ETNPPL: variants seen among roughly 807,000 people sequenced by gnomAD.
ETNPPL encodes ethanolamine-phosphate phospho-lyase, also known as alanine--glyoxylate aminotransferase 2-like 1.
In ETNPPL, 30 loss-of-function variants were observed where a neutral mutation model predicts 55.5. The observed-to-expected ratio is 0.54, with a 90% CI of 0.40 to 0.73. The LOEUF is 0.73. Among genes scored for constraint, ETNPPL ranks in the 30% least tolerant of loss-of-function variants. ETNPPL has a pLI of 0.00. For synonymous variants in ETNPPL, 202 were observed against 207.2 expected (o/e 0.98, Z 0.21); for missense variants, 528 against 607.9 (o/e 0.87, Z 1.38).
At chr4:108,745,455 GT>G (rs1470339857) in intron 11 of ETNPPL, among the ~76,000 whole-genome samples, 2 of 151,878 alleles carry the variant, frequency 1.3e-5, no homozygotes, top group African/African-American at 4.8e-5. Flanking sequence ...TTAGCTGGGT[GT>G]GGTGGCATGC....
intron 3 of ETNPPL, among the ~76,000 whole-genome samples, chr4:108,757,216 T>C (rs911373144): frequency 3.9e-5 from 6 of 152,158 alleles, no homozygotes; most frequent in African/African-American, 1.4e-4. Flanking sequence ...GAGTATCAAA[T>C]TTTTTCCTAT....
chr4:108,757,660 T>A (rs1333223271), intron 3 of ETNPPL, among the ~76,000 whole-genome samples: 1 of 152,150 alleles, frequency 6.6e-6, no homozygotes, highest in African/African-American at 2.4e-5. Context: ...TAGTCTTGGC[T>A]GGGTGCGGTG....
chr4:108,760,414 G>T, intron 1 of ETNPPL, 108 bp from the exon 2 acceptor site: 2 of 553,882 alleles, frequency 3.6e-6, no homozygotes, highest in East Asian at 2.6e-5. Flanking sequence ...ATAAAGGAAA[G>T]GGAAAACACA....
At chr4:108,747,161 ATATT>A (rs1428947929) in intron 9 of ETNPPL, among the ~76,000 whole-genome samples, 1 of 15,848 alleles carries the variant, frequency 6.3e-5, no homozygotes, top group Non-Finnish European at 9.1e-5. Context: ...ATATATATAT[ATATT>A]ATATATATAT....
intron 6 of ETNPPL, among the ~76,000 whole-genome samples, chr4:108,752,612 A>G (rs1156599122): frequency 6.6e-6 from 1 of 151,936 alleles, no homozygotes; most frequent in African/African-American, 2.4e-5. Flanking sequence ...AATGACCCCT[A>G]CCCCTCTAGA....
Position 108,762,923 on chromosome 4 carries a change from A to G in ETNPPL, c.-25T>C, listed in dbSNP as rs776215510. 6.2e-7 allele frequency: 1 copy of G among 1,606,234 alleles called. No individual in the cohort carries two copies. The highest frequency in any genetic ancestry group is 1.7e-5 in the Admixed American group (1 of 59,974). ...TGGTGGCGGGGTGCAGGGCGCTGCG[A>G]AGGTGCAAGGTGCAAGGTCTGCGCG... is the stretch of plus-strand genomic sequence containing the variant. On this transcript the variant is annotated 5_prime_UTR_variant, in exon 1 of 13. Coordinates refer to ENST00000296486, the MANE Select transcript of ETNPPL (RefSeq NM_031279.4).
At position 108,755,136 on chromosome 4, in the gene ETNPPL, G is replaced by A. The variant is rs185332079; in HGVS notation, c.411-426C>T. 2.2e-3 allele frequency among the ~76,000 whole-genome samples: 332 copies of A among 152,152 alleles called. 4 individuals carry two copies. The highest frequency in any genetic ancestry group is 7.6e-3 in the African/African-American group (317 of 41,478). The stretch of plus-strand genomic sequence containing the variant: ...AAAAACAACTTTATATCATAGAATG[G>A]GCATCTGTTTCTGTTCGGGATGATT... On this transcript the variant is annotated intron_variant, in intron 4 of 12. Transcript: ENST00000296486.
At chr4:108,748,656 AT>A (rs1447033441) in intron 8 of ETNPPL, among the ~76,000 whole-genome samples, 2 of 152,232 alleles carry the variant, frequency 1.3e-5, no homozygotes, top group African/African-American at 2.4e-5. Flanking sequence ...AGTCAAAAAA[AT>A]ATAATATCCC....
chr4:108,749,177 A>T, intron 8 of ETNPPL, 61 bp downstream of exon 8: 1 of 1,372,466 alleles, frequency 7.3e-7, no homozygotes, highest in Non-Finnish European at 1.0e-6. Context: ...ACATTGGCAA[A>T]AAATATAAGA....
chr4:108,763,045 CGG>C lies in ETNPPL; in HGVS notation c.-149_-148del. The C allele has an allele frequency of 1.5e-6, 1 of 680,318 alleles. No individual in the cohort carries two copies. Among genetic ancestry groups the C allele is most frequent in the African/African-American group, 1.8e-5 (1 of 56,100 alleles). 42.1% of individuals were successfully genotyped at this position (680,318 alleles called of 1,614,324 possible). Reference sequence around the variant, plus strand: ...TCTTGCCCGGGGCGTCGGAGGTCACCGGTGGCGTCAACTAGCTAGGATCATCT... The same window carrying C: ...TCTTGCCCGGGGCGTCGGAGGTCACCTGGCGTCAACTAGCTAGGATCATCT... On this transcript the variant is annotated 5_prime_UTR_variant, in exon 1 of 13. Coordinates refer to ENST00000296486, the MANE Select transcript of ETNPPL (RefSeq NM_031279.4).
rs1728244622 is a variant in ETNPPL at position 108,742,085 on chromosome 4, A to G, written c.*399T>C. 2.0e-5 allele frequency: 3 copies of G among 153,660 alleles called. No individual in the cohort carries two copies. Among genetic ancestry groups the G allele is most frequent in the Admixed American group, 6.4e-5 (1 of 15,544 alleles). 9.5% of individuals were successfully genotyped at this position (153,660 alleles called of 1,614,324 possible). ...TTTTATTTTATTACAGTCAATAAATATACTTTTATATATGAAATCATTATA... is the reference window on the plus strand; with the variant it reads ...TTTTATTTTATTACAGTCAATAAATGTACTTTTATATATGAAATCATTATA... On this transcript the variant is annotated 3_prime_UTR_variant, in exon 13 of 13. Coordinates refer to ENST00000296486, the MANE Select transcript of ETNPPL (RefSeq NM_031279.4).
At chr4:108,760,014 A>C in intron 2 of ETNPPL, 106 bp from the exon 3 acceptor site, 3 of 1,261,298 alleles carry the variant, frequency 2.4e-6, no homozygotes, top group Non-Finnish European at 3.4e-6. Context: ...AAACAAACAA[A>C]AGTTGAGTTC....
At position 108,742,377 on chromosome 4, in the gene ETNPPL, C is replaced by A; in HGVS notation, c.*107G>T. ...TTACCTTTTCATTTATGAATCTAAA[C>A]TGACAATTCCACCTTTAGAGGTATA... is the stretch of plus-strand genomic sequence containing the variant. On this transcript the variant is annotated 3_prime_UTR_variant, in exon 13 of 13. Transcript: ENST00000296486. 8.7e-7 allele frequency: 1 copy of A among 1,146,334 alleles called. No individual in the cohort carries two copies. 71.0% of individuals were successfully genotyped at this position (1,146,334 alleles called of 1,614,324 possible). A position where few individuals can be genotyped will look rare whatever the true frequency, so the allele number is the denominator to read the frequency against.
At chr4:108,750,476 A>G (rs1332975637) in intron 7 of ETNPPL, among the ~76,000 whole-genome samples, 1 of 145,984 alleles carries the variant, frequency 6.9e-6, no homozygotes, top group Non-Finnish European at 1.5e-5. Flanking sequence ...TGATCATGTA[A>G]GTTAATACTT....
chr4:108,762,483 G>T (rs1729554694), intron 1 of ETNPPL: 2 of 656,212 alleles, frequency 3.0e-6, no homozygotes, highest in Admixed American at 2.1e-5. Context: ...TTGTGTGGGG[G>T]TGGCGGAGCG....
chr4:108,760,031 CT>C, intron 2 of ETNPPL, 123 bp from the exon 3 acceptor site: 1 of 1,197,864 alleles, frequency 8.3e-7, no homozygotes. Flanking sequence ...GTTCCTTTCT[CT>C]TCCATATTTT....
At chr4:108,744,117 C>T (rs1201240792) in intron 11 of ETNPPL, among the ~76,000 whole-genome samples, 5 of 152,034 alleles carry the variant, frequency 3.3e-5, no homozygotes, top group South Asian at 2.1e-4. Context: ...AAAAATTAGC[C>T]GGATGTGGTG....
chr4:108,759,270 G>A (rs959513976), intron 3 of ETNPPL, among the ~76,000 whole-genome samples: 19 of 151,228 alleles, frequency 1.3e-4, no homozygotes, highest in African/African-American at 4.4e-4. Context: ...GCGTTGTGGC[G>A]GGTGCCTGTA....
chr4:108,747,797 C>T (rs763246977), intron 9 of ETNPPL: 14 of 463,362 alleles, frequency 3.0e-5, no homozygotes, highest in South Asian at 2.6e-4. Flanking sequence ...GGCACAATCT[C>T]GGCTCACTGC....
Sources: allele counts gnomAD v4.1 joint callset (sites outside exome capture counted in the v4.1 genomes callset), GRCh38; gene constraint gnomAD v4.1.1; transcripts MANE v1.5; gene names NCBI Gene and HGNC (gene_info 2026-07-23, HGNC 2026-07-21).